Variants in DAB2IP observed in about 807,000 individuals in gnomAD.
DAB2IP encodes the protein disabled homolog 2-interacting protein.
DAB2IP carries 28 observed loss-of-function variants against 107.2 expected under a neutral mutation model. The ratio of observed to expected loss-of-function variants is 0.26; its 90% confidence interval spans 0.19 to 0.36. DAB2IP has a LOEUF of 0.36. DAB2IP is among the 10% of genes least tolerant of loss of function. DAB2IP has a pLI of 1.00. For synonymous variants in DAB2IP, 755 were observed against 706.4 expected, an observed-to-expected ratio of 1.07 and a Z score of -1.09; for missense variants, 1,400 against 1,644.7, an observed-to-expected ratio of 0.85 and a Z score of 2.57.
intron 2 of DAB2IP, among the ~76,000 whole-genome samples, chr9:121,685,114 G>A (rs1405977472): frequency 1.3e-5 from 2 of 152,150 alleles, no homozygotes; most frequent in Non-Finnish European, 2.9e-5. Flanking sequence ...GGGCGGGGTG[G>A]TGGAAGAGCA....
At chr9:121,606,924 G>A (rs779478662) in intron 1 of DAB2IP, among the ~76,000 whole-genome samples, 2 of 152,016 alleles carry the variant, frequency 1.3e-5, no homozygotes, top group African/African-American at 2.4e-5. Context: ...ACAGGTGCAT[G>A]CCACCATGCC....
intron 1 of DAB2IP, among the ~76,000 whole-genome samples, chr9:121,663,486 G>A (rs1202226617): frequency 6.6e-6 from 1 of 152,076 alleles, no homozygotes; most frequent in Non-Finnish European, 1.5e-5. Flanking sequence ...AGGAATGGTG[G>A]GCTGGATGCT....
chr9:121,672,666 G>A (rs1374085162), intron 1 of DAB2IP, among the ~76,000 whole-genome samples: 5 of 152,190 alleles, frequency 3.3e-5, no homozygotes, highest in African/African-American at 7.2e-5. Flanking sequence ...CTAGGTGACC[G>A]AGAGGTCACA....
rs139629447 is a variant in DAB2IP at position 121,684,284 on chromosome 9, G to A, written c.228+5503G>A. ...AGGGACTGAGAATCATAGACGGGAG[G>A]GTCCTTTCCTGAGGTCACACAGCAT... On this transcript the variant is annotated intron_variant, in intron 2 of 15. Coordinates refer to ENST00000408936, the Ensembl canonical transcript of DAB2IP. This position sits in a 1 kb window ranked among gnomAD's most constrained non-coding sequence, Gnocchi z 4.0. Among the ~76,000 whole-genome samples, 135 of 152,146 alleles carry A rather than the reference G, an allele frequency of 8.9e-4. 1 individual carries two copies. Among genetic ancestry groups the A allele is most frequent in the Middle Eastern group, 6.8e-3 (2 of 294 alleles).
Position 121,693,353 on chromosome 9 carries a change from G to A in DAB2IP, c.229-5972G>A, listed in dbSNP as rs372492939. On this transcript the variant is annotated intron_variant, in intron 2 of 15. Coordinates refer to ENST00000408936, the Ensembl canonical transcript of DAB2IP. ...TTTCTAGTGCCCCCACCAGCCTGCC[G>A]CGGTGTCAGGTCGGCCTGCCAGCTC... Among the ~76,000 whole-genome samples, 11 of 152,092 alleles carry A rather than the reference G, an allele frequency of 7.2e-5. No homozygotes were observed. The East Asian group carries it at 9.7e-4, about 13-fold the overall frequency.
At chr9:121,641,653 C>A (rs1399175263) in intron 1 of DAB2IP, among the ~76,000 whole-genome samples, 15 of 152,196 alleles carry the variant, frequency 9.9e-5, no homozygotes, top group Non-Finnish European at 5.9e-5. Flanking sequence ...GGATTTGCAC[C>A]CTGGCCTGCT....
intron 1 of DAB2IP, among the ~76,000 whole-genome samples, chr9:121,617,161 C>G (rs1297595842): frequency 1.3e-5 from 2 of 152,078 alleles, no homozygotes; most frequent in Admixed American, 6.5e-5. Flanking sequence ...CCTATCTCTA[C>G]TAAAAGTACA....
intron 14 of DAB2IP, among the ~76,000 whole-genome samples, chr9:121,779,533 T>C (rs1835442810): frequency 6.6e-6 from 1 of 152,248 alleles, no homozygotes; most frequent in Non-Finnish European, 1.5e-5. Flanking sequence ...GTGAGGTTAC[T>C]TGGAATCTGT....
At chr9:121,675,418 C>A (rs1833860938) in intron 1 of DAB2IP, among the ~76,000 whole-genome samples, 2 of 152,160 alleles carry the variant, frequency 1.3e-5, no homozygotes, top group South Asian at 4.1e-4. Context: ...TCCCTTCTTT[C>A]TGAGGGCATT....
At chr9:121,593,329 G>A (rs1006905727) in intron 1 of DAB2IP, among the ~76,000 whole-genome samples, 3 of 152,168 alleles carry the variant, frequency 2.0e-5, no homozygotes, top group South Asian at 2.1e-4. Context: ...GTGCAATGGC[G>A]TGGACATGAC....
chr9:121,646,075 G>A (rs537359871), intron 1 of DAB2IP, among the ~76,000 whole-genome samples: 70 of 152,164 alleles, frequency 4.6e-4, no homozygotes, highest in Non-Finnish European at 8.8e-4. Flanking sequence ...CACACTCCCC[G>A]AGGCTCTGTC....
At chr9:121,636,587 G>A (rs531922252) in intron 1 of DAB2IP, among the ~76,000 whole-genome samples, 3 of 152,300 alleles carry the variant, frequency 2.0e-5, no homozygotes, top group East Asian at 1.9e-4. Flanking sequence ...CAGGAGGGCC[G>A]TCTGGTTTCT....
At chr9:121,649,836 T>G (rs1030581956), upstream of DAB2IP, among the ~76,000 whole-genome samples, 4 of 152,174 alleles carry the variant, frequency 2.6e-5, no homozygotes, top group Non-Finnish European at 2.9e-5. Context: ...GGGGCTTCTT[T>G]TTAGAGACGT....
At chr9:121,763,701 C>T in intron 7 of DAB2IP, 34 bp from the exon 8 acceptor site, 1 of 1,612,066 alleles carries the variant, frequency 6.2e-7, no homozygotes, top group Non-Finnish European at 8.5e-7. Context: ...CCCGCCAGGT[C>T]CTCACTCCCC....
chr9:121,745,347 T>A (rs1589627407), intron 3 of DAB2IP, among the ~76,000 whole-genome samples: 1 of 152,134 alleles, frequency 6.6e-6, no homozygotes, highest in Admixed American at 6.6e-5. Flanking sequence ...TGGTTTTCTT[T>A]GACATGGTGT....
In DAB2IP at chr9:121,633,521, A is replaced by G. The variant is rs1463757836; in HGVS notation, c.41-45157A>G. Among the ~76,000 whole-genome samples, 4 of 152,186 alleles carry G rather than the reference A, an allele frequency of 2.6e-5. No individual in the cohort carries two copies. The highest frequency in any genetic ancestry group is 5.9e-5 in the Non-Finnish European group (4 of 68,038). On this transcript the variant is annotated intron_variant, in intron 1 of 16. Coordinates refer to the DAB2IP transcript ENST00000259371. The surrounding 1 kb of genome is among the most constrained non-coding windows in gnomAD (Gnocchi z 5.1). ...GAGAGATGTAGGTTAGATAGGAGGA[A>G]GAACTTCCTGGCTGACTGTGGGGTG...
At chr9:121,577,661 C>T (rs1830096761) in intron 1 of DAB2IP, among the ~76,000 whole-genome samples, 1 of 152,222 alleles carries the variant, frequency 6.6e-6, no homozygotes, top group Non-Finnish European at 1.5e-5. Flanking sequence ...CAGCCCTGCC[C>T]AAGACCCTCT....
intron 3 of DAB2IP, chr9:121,737,387 T>C: frequency 3.0e-6 from 3 of 985,474 alleles, no homozygotes; most frequent in South Asian, 9.4e-5. Flanking sequence ...ATTTAAGTCA[T>C]TTTTGAAATT....
At chr9:121,606,080 C>T (rs541166269) in intron 1 of DAB2IP, among the ~76,000 whole-genome samples, 239 of 152,282 alleles carry the variant, frequency 1.6e-3, no homozygotes, top group Non-Finnish European at 2.8e-3. Context: ...TGCTGGCTCA[C>T]GCCTGTGATC....
Sources: gnomAD v4.1 joint callset for allele counts (sites outside exome capture counted in the v4.1 genomes callset) on GRCh38, gnomAD v4.1.1 for gene constraint, Gnocchi (gnomAD v3.1) non-coding constraint, MANE v1.5 for transcripts, NCBI Gene and HGNC (gene_info 2026-07-23, HGNC 2026-07-21) for gene names.